Variants in LINGO2 observed in about 807,000 individuals in gnomAD.
LINGO2 encodes leucine rich repeat and Ig domain containing 2.
In LINGO2, 14 loss-of-function variants were observed where a neutral mutation model predicts 30.6. That is an observed-to-expected ratio of 0.46 (90% confidence interval 0.30 to 0.72). LINGO2 has a LOEUF of 0.72. Ranked by LOEUF, LINGO2 falls within the 30% of genes least tolerant of loss-of-function variation. LINGO2 has a pLI of 0.07. For missense variants in LINGO2, 729 were observed against 751.7 expected, an observed-to-expected ratio of 0.97 and a Z score of 0.35; for synonymous variants, 317 against 288.5, an observed-to-expected ratio of 1.10 and a Z score of -1.00.
At chr9:29,158,247 T>C in the LINGO2 span, among the ~76,000 whole-genome samples, 1 of 150,906 alleles carries the variant, frequency 6.6e-6, no homozygotes. Context: ...TCCCAGCTAC[T>C]TGGGAGGCTG....
At chr9:27,990,462 AC>A (rs10671360) in intron 5 of LINGO2, among the ~76,000 whole-genome samples, 4,212 of 118,028 alleles carry the variant, frequency 0.036, 203 homozygotes, top group East Asian at 0.21. Flanking sequence ...TGGTCTCAAT[AC>A]CCCCCCCCCT....
the LINGO2 span, among the ~76,000 whole-genome samples, chr9:28,920,494 T>G: frequency 6.6e-6 from 1 of 152,144 alleles, no homozygotes; most frequent in East Asian, 1.9e-4. Flanking sequence ...TATAAATTGG[T>G]TAATACAAAT....
intron 4 of LINGO2, among the ~76,000 whole-genome samples, chr9:28,065,539 T>G (rs954319669): frequency 6.6e-6 from 1 of 152,124 alleles, no homozygotes; most frequent in Admixed American, 6.6e-5. Context: ...AAAAGTATAT[T>G]TTAAAGGCAA....
In LINGO2 at chr9:28,149,077, G is replaced by C. The variant is rs531574553; in HGVS notation, c.-86-136672C>G. The C allele has an allele frequency of 5.2e-4, 794 of 1,534,358 alleles. 2 individuals are homozygous for C. The African/African-American group carries it at 6.6e-3, about 13-fold the overall frequency. On this transcript the variant is annotated intron_variant, in intron 4 of 5. Transcript: ENST00000379992. ...CATGTCTATCTCCTGAGGCACTGTT[G>C]GTGGGTCAGGCTTCCCAAAGAGAAG...
the LINGO2 span, among the ~76,000 whole-genome samples, chr9:28,787,509 T>C: frequency 6.6e-6 from 1 of 152,146 alleles, no homozygotes; most frequent in African/African-American, 2.4e-5. Context: ...AAGGAAAACA[T>C]TGCTTGACTT....
the LINGO2 span, among the ~76,000 whole-genome samples, chr9:29,190,023 C>T: frequency 9.8e-5 from 3 of 30,516 alleles, no homozygotes; most frequent in Non-Finnish European, 1.8e-4. Context: ...AGAGGGAGAC[C>T]GTGGGGAGGG....
At chr9:28,935,073 T>C in the LINGO2 span, among the ~76,000 whole-genome samples, 1 of 151,976 alleles carries the variant, frequency 6.6e-6, no homozygotes, top group Admixed American at 6.6e-5. Context: ...TTTTTGTTTT[T>C]AAAAATTGTT....
At chr9:28,848,391 G>GTATATA in the LINGO2 span, among the ~76,000 whole-genome samples, 166 of 55,024 alleles carry the variant, frequency 3.0e-3, 1 homozygote, top group South Asian at 7.4e-3. Context: ...GTGTGTGTGT[G>GTATATA]TGTGTGTATA....
chr9:28,028,774 G>A (rs575945737), intron 4 of LINGO2, among the ~76,000 whole-genome samples: 1 of 151,982 alleles, frequency 6.6e-6, no homozygotes, highest in African/African-American at 2.4e-5. Context: ...TATTTTTGAT[G>A]AGCAGTTGGT....
At chr9:28,558,208 A>G (rs1477439142) in intron 1 of LINGO2, among the ~76,000 whole-genome samples, 1 of 151,358 alleles carries the variant, frequency 6.6e-6, no homozygotes, top group East Asian at 1.9e-4. Context: ...CCCATTTTTC[A>G]CTATGATCTA....
the LINGO2 span, among the ~76,000 whole-genome samples, chr9:28,982,039 A>G: frequency 2.6e-5 from 4 of 152,134 alleles, no homozygotes; most frequent in African/African-American, 4.8e-5. Context: ...AACCAGATAT[A>G]TAAGTATGAT....
chr9:29,050,396 T>G, the LINGO2 span, among the ~76,000 whole-genome samples: 36 of 152,336 alleles, frequency 2.4e-4, no homozygotes, highest in African/African-American at 7.9e-4. Context: ...ACGTCTGCTA[T>G]GTATCCACAA....
intron 2 of LINGO2, among the ~76,000 whole-genome samples, chr9:28,415,533 C>A (rs35030151): frequency 2.6e-5 from 4 of 152,144 alleles, no homozygotes; most frequent in African/African-American, 7.2e-5. Flanking sequence ...GCTCACTTGG[C>A]TCCTATCTTC....
intron 1 of LINGO2, among the ~76,000 whole-genome samples, chr9:28,581,008 G>C (rs1824230503): frequency 6.6e-6 from 1 of 151,914 alleles, no homozygotes; most frequent in Non-Finnish European, 1.5e-5. Context: ...GGTGCATAGG[G>C]AGAGAAACGA....
the LINGO2 span, chr9:27,942,469 C>G: frequency 6.6e-6 from 1 of 152,124 alleles, no homozygotes; most frequent in East Asian, 1.9e-4. Context: ...ACTTATTTTA[C>G]ATGTTAATAA....
chr9:28,163,590 TG>T, intron 4 of LINGO2, among the ~76,000 whole-genome samples: 1 of 152,292 alleles, frequency 6.6e-6, no homozygotes, highest in South Asian at 2.1e-4. Context: ...TACTACCATA[TG>T]CTGCTCCTTT....
At chr9:29,129,358 G>A in the LINGO2 span, among the ~76,000 whole-genome samples, 1 of 152,024 alleles carries the variant, frequency 6.6e-6, no homozygotes, top group Non-Finnish European at 1.5e-5. Context: ...ACATGTAAAT[G>A]GGATAAATGT....
the LINGO2 span, among the ~76,000 whole-genome samples, chr9:28,890,333 T>C: frequency 0.11 from 17,164 of 152,036 alleles, 960 homozygotes; most frequent in South Asian, 0.16. Context: ...CATATCTCCA[T>C]ATAATTAGGT....
the LINGO2 span, among the ~76,000 whole-genome samples, chr9:29,063,666 T>C: frequency 1.8e-4 from 28 of 152,192 alleles, no homozygotes; most frequent in East Asian, 5.8e-4. Context: ...TCTGAAAGTG[T>C]ATGGATTACA....
Sources: allele counts gnomAD v4.1 joint callset (sites outside exome capture counted in the v4.1 genomes callset), GRCh38; gene constraint gnomAD v4.1.1; transcripts MANE v1.5; gene names NCBI Gene and HGNC (gene_info 2026-07-23, HGNC 2026-07-21).